The following PRP4K variants were observed in gnomAD, a reference collection of about 807,000 sequenced individuals.
PRP4K encodes the protein pre-mRNA processing factor kinase PRP4K.
the PRP4K span, chr6:4,060,310 A>C: frequency 5.0e-6 from 5 of 1,008,848 alleles, no homozygotes; most frequent in Non-Finnish European, 7.3e-6. This position sits in a 1 kb window ranked among gnomAD's most constrained non-coding sequence, Gnocchi z 4.7. Context: ...TTGTATGTAT[A>C]TGCATGTTTT....
At chr6:4,063,637 G>T in the PRP4K span, 1 of 151,740 alleles carries the variant, frequency 6.6e-6, no homozygotes, top group Non-Finnish European at 1.5e-5. Flanking sequence ...AGATACTCTG[G>T]GTTTTTTATA....
the PRP4K span, among the ~76,000 whole-genome samples, chr6:4,059,423 A>G: frequency 6.6e-6 from 1 of 152,182 alleles, no homozygotes; most frequent in African/African-American, 2.4e-5. Flanking sequence ...CACATTCTGT[A>G]TGAGCCTTTT....
At chr6:4,037,265 T>C in the PRP4K span, 2 of 855,916 alleles carry the variant, frequency 2.3e-6, no homozygotes, top group Non-Finnish European at 3.3e-6. Context: ...GTAAGTTTTG[T>C]TACAAAACAC....
chr6:4,057,638 T>A, the PRP4K span, among the ~76,000 whole-genome samples: 174 of 152,330 alleles, frequency 1.1e-3, no homozygotes, highest in African/African-American at 4.0e-3. Flanking sequence ...GTACCTTTTC[T>A]TATTTAATAT....
the PRP4K span, among the ~76,000 whole-genome samples, chr6:4,050,790 C>T: frequency 6.6e-6 from 1 of 152,274 alleles, no homozygotes; most frequent in South Asian, 2.1e-4. Flanking sequence ...TATTTAGCTG[C>T]TTACTATAAA....
At chr6:4,040,684 T>A in the PRP4K span, 2 of 1,336,680 alleles carry the variant, frequency 1.5e-6, no homozygotes, top group Non-Finnish European at 2.0e-6. Flanking sequence ...AAAGTAGAAT[T>A]TCTATATATC....
At chr6:4,055,605 G>C in the PRP4K span, among the ~76,000 whole-genome samples, 1 of 152,182 alleles carries the variant, frequency 6.6e-6, no homozygotes, top group Non-Finnish European at 1.5e-5. Context: ...TCCTGAACAT[G>C]CCTCTGACTC....
At chr6:4,043,657 G>A in the PRP4K span, among the ~76,000 whole-genome samples, 3 of 152,238 alleles carry the variant, frequency 2.0e-5, no homozygotes, top group East Asian at 5.8e-4. Flanking sequence ...AATTACATAA[G>A]GGATTGCAGA....
At chr6:4,022,471 G>GT in the PRP4K span, among the ~76,000 whole-genome samples, 1 of 73,908 alleles carries the variant, frequency 1.4e-5, no homozygotes. Flanking sequence ...TTTTTGTTTT[G>GT]TTTTTTGTTT....
chr6:4,045,933 A>T, the PRP4K span, among the ~76,000 whole-genome samples: 4 of 152,120 alleles, frequency 2.6e-5, no homozygotes, highest in Non-Finnish European at 5.9e-5. Context: ...GTATGTGTGT[A>T]TATGTTGTAT....
At chr6:4,021,387 A>G in the PRP4K span, 10 of 1,560,916 alleles carry the variant, frequency 6.4e-6, no homozygotes, top group Admixed American at 1.9e-4. Context: ...ACCGTCCGGG[A>G]GCCGCCGCCA....
the PRP4K span, among the ~76,000 whole-genome samples, chr6:4,027,606 G>T: frequency 1.5e-4 from 14 of 95,614 alleles, 2 homozygotes; most frequent in East Asian, 8.4e-4. Flanking sequence ...GGGGTGGGGG[G>T]GTGGGGTGGG....
the PRP4K span, among the ~76,000 whole-genome samples, chr6:4,033,320 CTT>C: frequency 1.3e-5 from 2 of 152,160 alleles, no homozygotes; most frequent in Admixed American, 1.3e-4. Context: ...AGTAGTATCT[CTT>C]AAGCTTAAGA....
At chr6:4,024,833 C>T in the PRP4K span, among the ~76,000 whole-genome samples, 12 of 152,250 alleles carry the variant, frequency 7.9e-5, no homozygotes, top group Non-Finnish European at 1.6e-4. Context: ...AAACTCCTGA[C>T]CTCAGGTGAT....
At chr6:4,040,843 G>A in the PRP4K span, 2 of 1,613,942 alleles carry the variant, frequency 1.2e-6, no homozygotes, top group Non-Finnish European at 1.7e-6. Context: ...AGACGAAGGA[G>A]CAGAAGCAAA....
At chr6:4,032,739 C>G in the PRP4K span, 1 of 1,570,054 alleles carries the variant, frequency 6.4e-7, no homozygotes, top group South Asian at 1.2e-5. Flanking sequence ...AGAGAGGAGA[C>G]GACTTTCTTC....
chr6:4,057,361 T>C, the PRP4K span, among the ~76,000 whole-genome samples: 1 of 152,236 alleles, frequency 6.6e-6, no homozygotes, highest in Non-Finnish European at 1.5e-5. Context: ...TTAGTGGTTC[T>C]AATCAGCCAA....
the PRP4K span, chr6:4,021,351 T>G: frequency 1.6e-5 from 25 of 1,547,044 alleles, no homozygotes; most frequent in African/African-American, 4.1e-5. Context: ...GCTCTTTTCC[T>G]TCTTCCTCCA....
chr6:4,047,575 T>G, the PRP4K span, among the ~76,000 whole-genome samples: 1 of 152,220 alleles, frequency 6.6e-6, no homozygotes, highest in Non-Finnish European at 1.5e-5. Context: ...CAGTATTTTC[T>G]AGGTCTTTAT....
Sources: gnomAD v4.1 joint callset for allele counts (sites outside exome capture counted in the v4.1 genomes callset) on GRCh38, gnomAD v4.1.1 for gene constraint, Gnocchi (gnomAD v3.1) non-coding constraint, MANE v1.5 for transcripts, NCBI Gene and HGNC (gene_info 2026-07-23, HGNC 2026-07-21) for gene names.